PAM: variants seen among roughly 807,000 people sequenced by gnomAD.
PAM encodes peptidylglycine alpha-amidating monooxygenase.
In PAM, 72 loss-of-function variants were observed where a neutral mutation model predicts 122.1. That is an observed-to-expected ratio of 0.59 (90% CI 0.49 to 0.72). The LOEUF (loss-of-function observed/expected upper bound fraction) is 0.72. PAM is among the 30% of genes least tolerant of loss of function. The probability of loss-of-function intolerance (pLI) is 0.00; values close to 1 mark genes in which losing one functional copy is unlikely to be tolerated. For missense variants in PAM, 1,106 were observed against 1,183.7 expected (o/e 0.93, Z 0.96); for synonymous variants, 389 against 404.4 (o/e 0.96, Z 0.46).
intron 1 of PAM, among the ~76,000 whole-genome samples, chr5:102,762,214 T>C (rs929401643): frequency 6.6e-6 from 1 of 152,218 alleles, no homozygotes; most frequent in African/African-American, 2.4e-5. Context: ...TTCCTTTCTC[T>C]TTTATTTGCC....
At chr5:102,917,774 C>T (rs989005878) in intron 5 of PAM, among the ~76,000 whole-genome samples, 2 of 152,296 alleles carry the variant, frequency 1.3e-5, no homozygotes, top group African/African-American at 4.8e-5. Flanking sequence ...TGATGTTTCA[C>T]TGTTGTGCTG....
At chr5:102,840,004 T>C (rs966846057) in intron 1 of PAM, among the ~76,000 whole-genome samples, 1 of 152,142 alleles carries the variant, frequency 6.6e-6, no homozygotes, top group African/African-American at 2.4e-5. Flanking sequence ...TATTAATCAT[T>C]ATACTAGAGG....
At chr5:102,766,569 G>A (rs560736439) in intron 1 of PAM, among the ~76,000 whole-genome samples, 1 of 152,276 alleles carries the variant, frequency 6.6e-6, no homozygotes, top group African/African-American at 2.4e-5. Context: ...TCTTTGCTGT[G>A]CAACCCTGTT....
intron 16 of PAM, among the ~76,000 whole-genome samples, chr5:102,993,775 A>T (rs1309294862): frequency 6.6e-6 from 1 of 152,136 alleles, no homozygotes; most frequent in Non-Finnish European, 1.5e-5. Flanking sequence ...TTGCAGGTTC[A>T]ATTCACATTG....
intron 15 of PAM, among the ~76,000 whole-genome samples, chr5:102,987,801 A>G (rs1582592757): frequency 2.0e-5 from 3 of 152,230 alleles, no homozygotes; most frequent in East Asian, 3.9e-4. Context: ...CCACTTCTAT[A>G]CCTAGGATTA....
chr5:102,955,809 G>T (rs1530082), intron 12 of PAM, among the ~76,000 whole-genome samples: 43,504 of 151,320 alleles, frequency 0.29, 6,532 homozygotes, highest in East Asian at 0.43. Context: ...TGTTGATCTC[G>T]GTGGAAATTA....
intron 1 of PAM, among the ~76,000 whole-genome samples, chr5:102,780,909 G>T (rs549458100): frequency 1.3e-5 from 2 of 148,682 alleles, no homozygotes; most frequent in East Asian, 4.0e-4. Flanking sequence ...CTTTGTTGTG[G>T]GGGCTGTCCT....
intron 1 of PAM, among the ~76,000 whole-genome samples, chr5:102,809,986 T>C (rs1767425439): frequency 6.6e-6 from 1 of 152,192 alleles, no homozygotes; most frequent in African/African-American, 2.4e-5. Flanking sequence ...TAGATTATAA[T>C]AGGTTAAATA....
intron 17 of PAM, among the ~76,000 whole-genome samples, chr5:103,004,200 CA>C (rs1387110967): frequency 2.0e-5 from 3 of 152,290 alleles, no homozygotes; most frequent in South Asian, 2.1e-4. Context: ...GATTGTGTGT[CA>C]GGGGTGAAAT....
At chr5:102,774,346 A>T (rs1756590951) in intron 1 of PAM, among the ~76,000 whole-genome samples, 1 of 152,030 alleles carries the variant, frequency 6.6e-6, no homozygotes, top group South Asian at 2.1e-4. Flanking sequence ...AAAGTGTGTA[A>T]ATGTTCCCTC....
At chr5:102,973,845 T>C (rs370879796) in intron 14 of PAM, among the ~76,000 whole-genome samples, 13 of 152,194 alleles carry the variant, frequency 8.5e-5, no homozygotes, top group Admixed American at 6.5e-4. Flanking sequence ...AAACCATTTA[T>C]TGAAATGTGC....
At chr5:102,978,081 A>T (rs560189752) in intron 15 of PAM, among the ~76,000 whole-genome samples, 2 of 152,294 alleles carry the variant, frequency 1.3e-5, no homozygotes, top group South Asian at 4.1e-4. Context: ...TGAGATTTTT[A>T]AAAATGAAAT....
chr5:103,030,840 T>C (rs1434936291), downstream of PAM: 1 of 152,248 alleles, frequency 6.6e-6, no homozygotes, highest in African/African-American at 2.4e-5. Context: ...GTTCATGTTT[T>C]TAAATTTGTC....
At chr5:102,903,200 T>G (rs1253902714) in intron 4 of PAM, among the ~76,000 whole-genome samples, 1 of 151,554 alleles carries the variant, frequency 6.6e-6, no homozygotes, top group Non-Finnish European at 1.5e-5. Flanking sequence ...CTTTGTTTAT[T>G]ACTTGGAGGA....
intron 1 of PAM, among the ~76,000 whole-genome samples, chr5:102,789,852 G>A (rs1443410157): frequency 3.9e-5 from 6 of 152,010 alleles, no homozygotes; most frequent in Admixed American, 6.6e-5. Flanking sequence ...GCATTATAAA[G>A]TAATAAAATG....
chr5:102,814,015 T>A (rs1437615939), intron 1 of PAM, among the ~76,000 whole-genome samples: 1 of 152,114 alleles, frequency 6.6e-6, no homozygotes, highest in Admixed American at 6.5e-5. Context: ...TTACAAAAAC[T>A]AAGGAGTCTG....
intron 3 of PAM, among the ~76,000 whole-genome samples, chr5:102,892,630 G>A (rs147090942): frequency 3.3e-5 from 5 of 151,878 alleles, no homozygotes; most frequent in African/African-American, 1.2e-4. Flanking sequence ...TTGCCATTTT[G>A]CTTTTTAAAA....
At chr5:102,917,637 A>C (rs969177491) in intron 5 of PAM, among the ~76,000 whole-genome samples, 2 of 152,148 alleles carry the variant, frequency 1.3e-5, no homozygotes, top group Admixed American at 6.6e-5. Flanking sequence ...TTCCATTTTC[A>C]TTGCGAGCAG....
chr5:102,928,809 A>G (rs1286997844), intron 7 of PAM, among the ~76,000 whole-genome samples: 1 of 152,162 alleles, frequency 6.6e-6, no homozygotes, highest in Non-Finnish European at 1.5e-5. Flanking sequence ...TATGTTTAAT[A>G]TATAGTATTA....
Sources: allele counts gnomAD v4.1 joint callset (sites outside exome capture counted in the v4.1 genomes callset), GRCh38; gene constraint gnomAD v4.1.1; transcripts MANE v1.5; gene names NCBI Gene and HGNC (gene_info 2026-07-23, HGNC 2026-07-21).